Variants in MYLK4 observed in about 807,000 individuals in gnomAD.
The protein encoded by MYLK4 is myosin light chain kinase family member 4, also known as caMLCK like.
A neutral mutation model predicts 48.1 loss-of-function variants in MYLK4; 46 were observed. That is an observed-to-expected ratio of 0.96 (90% CI 0.75 to 1.22). The LOEUF (loss-of-function observed/expected upper bound fraction) is 1.22, where lower values mean the gene tolerates loss of function less well. MYLK4 is among the 50% of genes most tolerant of loss of function. The pLI is 0.00. For missense variants in MYLK4, 451 were observed against 486.1 expected, an observed-to-expected ratio of 0.93 and a Z score of 0.68; for synonymous variants, 170 against 180.8, an observed-to-expected ratio of 0.94 and a Z score of 0.48.
At chr6:2,753,679 A>G (rs869266785), upstream of MYLK4, among the ~76,000 whole-genome samples, 2 of 152,148 alleles carry the variant, frequency 1.3e-5, no homozygotes, top group Non-Finnish European at 2.9e-5. Flanking sequence ...ACTTAATAAT[A>G]TATGACAAAA....
chr6:2,687,215 A>G (rs1456718893), intron 4 of MYLK4, among the ~76,000 whole-genome samples: 1 of 152,166 alleles, frequency 6.6e-6, no homozygotes, highest in African/African-American at 2.4e-5. Flanking sequence ...AGTAAAAGAT[A>G]AGTTGCTACA....
Position 2,749,372 on chromosome 6 carries a change from C to G in MYLK4, c.-78G>C, listed in dbSNP as rs1344957519. On this transcript the variant is annotated 5_prime_UTR_variant, in exon 2 of 13. Coordinates refer to ENST00000274643, the MANE Select transcript of MYLK4 (RefSeq NM_001012418.5). The stretch of plus-strand genomic sequence containing the variant: ...TCTGTCTCCGATTTATAAATCAGGA[C>G]ACAATTATGACTCTTCAGTGCTTCT... 1.7e-6 allele frequency: 2 copies of G among 1,197,714 alleles called. No individual in the cohort carries two copies. Among genetic ancestry groups the G allele is most frequent in the Admixed American group, 2.0e-5 (1 of 50,038 alleles). 74.2% of individuals were successfully genotyped at this position (1,197,714 alleles called of 1,614,324 possible).
At chr6:2,693,089 G>A (rs558910911) in intron 2 of MYLK4, among the ~76,000 whole-genome samples, 21 of 152,176 alleles carry the variant, frequency 1.4e-4, no homozygotes, top group African/African-American at 2.6e-4. Context: ...AAAATCACCC[G>A]TCACCCCAGG....
the MYLK4 span, among the ~76,000 whole-genome samples, chr6:2,759,307 T>G: frequency 6.6e-6 from 1 of 152,100 alleles, no homozygotes; most frequent in African/African-American, 2.4e-5. Flanking sequence ...AGGTCTCACT[T>G]TTTTGCCCAG....
At chr6:2,706,300 G>T (rs1420710238) in intron 2 of MYLK4, among the ~76,000 whole-genome samples, 1 of 151,822 alleles carries the variant, frequency 6.6e-6, no homozygotes, top group Non-Finnish European at 1.5e-5. Flanking sequence ...TTTATGTTTT[G>T]GTATCAGGTC....
chr6:2,763,079 G>A, the MYLK4 span, among the ~76,000 whole-genome samples: 1 of 152,180 alleles, frequency 6.6e-6, no homozygotes, highest in African/African-American at 2.4e-5. Context: ...ACAACCTGCT[G>A]ATTGGTCCAT....
At chr6:2,694,771 A>G (rs1222914561) in intron 2 of MYLK4, among the ~76,000 whole-genome samples, 3 of 152,052 alleles carry the variant, frequency 2.0e-5, no homozygotes, top group Non-Finnish European at 2.9e-5. Context: ...GATAGATACT[A>G]TTAGCCCCAT....
chr6:2,763,018 T>G, the MYLK4 span, among the ~76,000 whole-genome samples: 5 of 152,182 alleles, frequency 3.3e-5, no homozygotes, highest in African/African-American at 1.2e-4. Context: ...CAAGCGGGTC[T>G]CCATCGCCAG....
chr6:2,755,534 GTTTAT>G (rs1173169318), upstream of MYLK4, among the ~76,000 whole-genome samples: 6 of 152,172 alleles, frequency 3.9e-5, no homozygotes, highest in South Asian at 6.2e-4. Context: ...TGGTCATTCC[GTTTAT>G]TTTATTTTAT....
chr6:2,706,230 A>G (rs1762482261), intron 2 of MYLK4, among the ~76,000 whole-genome samples: 1 of 152,208 alleles, frequency 6.6e-6, no homozygotes, highest in African/African-American at 2.4e-5. Flanking sequence ...TGTGATGTTT[A>G]GAAGAGTAGG....
intron 2 of MYLK4, among the ~76,000 whole-genome samples, chr6:2,744,875 G>A (rs1006672831): frequency 4.6e-5 from 7 of 152,228 alleles, no homozygotes; most frequent in African/African-American, 1.7e-4. Flanking sequence ...ACAAGGGTTA[G>A]GATAAATTCA....
At chr6:2,763,159 G>A in the MYLK4 span, among the ~76,000 whole-genome samples, 1 of 152,178 alleles carries the variant, frequency 6.6e-6, no homozygotes, top group African/African-American at 2.4e-5. Flanking sequence ...GCTGATTGGT[G>A]TGTTTACAAA....
intron 2 of MYLK4, among the ~76,000 whole-genome samples, chr6:2,746,080 G>A (rs560238877): frequency 1.1e-4 from 17 of 149,542 alleles, no homozygotes; most frequent in African/African-American, 3.0e-4. Flanking sequence ...GTGAAACCCC[G>A]TCTCTACTAA....
At chr6:2,768,541 G>T in the MYLK4 span, 2 of 495,470 alleles carry the variant, frequency 4.0e-6, no homozygotes. Flanking sequence ...ATGTCCTGTG[G>T]TATTTTTGAT....
intron 2 of MYLK4, among the ~76,000 whole-genome samples, chr6:2,741,265 T>G (rs1453964725): frequency 6.6e-6 from 1 of 152,338 alleles, no homozygotes; most frequent in South Asian, 2.1e-4. Flanking sequence ...CATCTATATT[T>G]AGGAATTTTG....
At position 2,685,382 on chromosome 6, in the gene MYLK4, G is replaced by T; in HGVS notation, c.459C>A (p.Ser153Arg). ...TCGCGTGGTCCAGCTGGTTCATGAC[G>T]CTGATCTCGTTCTTCACCTCCTCCT... ...KDKEEVKNEI[S>R]VMNQLDHANL... The change falls in exon 6 of 13, where the codon AGC becomes AGA. Residue 153 changes from serine to arginine, a missense_variant. Ser to Arg is a moderately radical substitution (Grantham distance 110). Transcript: ENST00000274643. This position sits in a 1 kb window ranked among gnomAD's most constrained non-coding sequence, Gnocchi z 4.5. 1 of 1,613,706 alleles carries T rather than the reference G, an allele frequency of 6.2e-7. No homozygotes were observed. Among genetic ancestry groups the T allele is most frequent in the Non-Finnish European group, 8.5e-7 (1 of 1,179,794 alleles).
At chr6:2,750,280 T>C (rs1027165572) in intron 1 of MYLK4, among the ~76,000 whole-genome samples, 3 of 152,244 alleles carry the variant, frequency 2.0e-5, no homozygotes, top group Non-Finnish European at 2.9e-5. Context: ...TGTCAGTTCC[T>C]ATAGTAAAAT....
chr6:2,702,640 G>T (rs893485788), intron 2 of MYLK4, among the ~76,000 whole-genome samples: 6 of 152,176 alleles, frequency 3.9e-5, no homozygotes, highest in Non-Finnish European at 7.3e-5. Flanking sequence ...TAAAGGAATA[G>T]ATTTTTAACA....
upstream of MYLK4, among the ~76,000 whole-genome samples, chr6:2,754,820 G>A (rs1764386313): frequency 6.6e-6 from 1 of 152,162 alleles, no homozygotes; most frequent in South Asian, 2.1e-4. Flanking sequence ...ACACTTGCCA[G>A]GTCACCTAGG....
Sources: allele counts gnomAD v4.1 joint callset (sites outside exome capture counted in the v4.1 genomes callset), GRCh38; gene constraint gnomAD v4.1.1; non-coding constraint Gnocchi (gnomAD v3.1); transcripts MANE v1.5; gene names NCBI Gene and HGNC (gene_info 2026-07-23, HGNC 2026-07-21).